Variants in CAMK1D observed in about 807,000 individuals in gnomAD.
The protein encoded by CAMK1D is calcium/calmodulin dependent protein kinase ID.
CAMK1D carries 9 observed loss-of-function variants against 47.7 expected under a neutral mutation model. The ratio of observed to expected loss-of-function variants is 0.19; its 90% CI spans 0.11 to 0.33. CAMK1D has a LOEUF of 0.33. Among genes scored for constraint, CAMK1D ranks in the 10% least tolerant of loss-of-function variants. CAMK1D has a pLI of 1.00. For synonymous variants in CAMK1D, 184 were observed against 184.9 expected, an observed-to-expected ratio of 0.99 and a Z score of 0.04; for missense variants, 291 against 488.7, an observed-to-expected ratio of 0.60 and a Z score of 3.81.
At chr10:12,736,525 C>T (rs191927269) in intron 3 of CAMK1D, among the ~76,000 whole-genome samples, 3 of 152,242 alleles carry the variant, frequency 2.0e-5, no homozygotes, top group Admixed American at 2.0e-4. Flanking sequence ...TTTTCTGGCA[C>T]TTCTTAAATA....
intron 1 of CAMK1D, among the ~76,000 whole-genome samples, chr10:12,447,845 C>T (rs1328656283): frequency 2.0e-5 from 3 of 151,066 alleles, no homozygotes; most frequent in Non-Finnish European, 4.4e-5. Flanking sequence ...ATTTTTTTTA[C>T]TTATTTTTAT....
intron 2 of CAMK1D, among the ~76,000 whole-genome samples, chr10:12,574,695 C>G (rs760748261): frequency 6.6e-6 from 1 of 151,946 alleles, no homozygotes; most frequent in African/African-American, 2.4e-5. Flanking sequence ...AAAGAACTAC[C>G]TGAGACTGGG....
At chr10:12,683,373 A>G (rs994423896) in intron 3 of CAMK1D, among the ~76,000 whole-genome samples, 1 of 152,184 alleles carries the variant, frequency 6.6e-6, no homozygotes, top group Admixed American at 6.5e-5. Flanking sequence ...GGTGTAAGCC[A>G]CTGCACCTGG....
chr10:12,569,197 T>C (rs1274727456), intron 2 of CAMK1D, among the ~76,000 whole-genome samples: 1 of 152,242 alleles, frequency 6.6e-6, no homozygotes, highest in African/African-American at 2.4e-5. Context: ...TGTGGACCTT[T>C]AATTTCCTTT....
intron 1 of CAMK1D, among the ~76,000 whole-genome samples, chr10:12,368,643 T>C (rs963235857): frequency 1.3e-5 from 2 of 151,180 alleles, no homozygotes; most frequent in African/African-American, 4.9e-5. Flanking sequence ...GTAAGGACTG[T>C]AGGCTGAGCA....
chr10:12,553,307 C>T lies in CAMK1D; in HGVS notation c.175C>T (p.Leu59=), dbSNP rs757864847. 1 of 1,614,178 alleles carries T rather than the reference C, an allele frequency of 6.2e-7. No individual in the cohort carries two copies. Among genetic ancestry groups the T allele is most frequent in the South Asian group, 1.1e-5 (1 of 91,086 alleles). ...TGTGAAGTGTATCCCTAAGAAGGCG[C>T]TGAAGGGCAAGGAAAGCAGCATAGA... is the stretch of plus-strand genomic sequence containing the variant. ...FAVKCIPKKA[L]KGKESSIENE... is the part of the protein sequence containing the mutation. The change falls in exon 2 of 11, where the codon CTG becomes TTG. Residue 59 remains leucine (L), a synonymous_variant. Coordinates refer to ENST00000619168, the MANE Select transcript of CAMK1D (RefSeq NM_153498.4).
intron 1 of CAMK1D, among the ~76,000 whole-genome samples, chr10:12,531,696 A>C (rs1835810223): frequency 6.6e-6 from 1 of 152,220 alleles, no homozygotes; most frequent in Non-Finnish European, 1.5e-5. Context: ...CAAAATGCAG[A>C]CTAATTATAA....
intron 2 of CAMK1D, among the ~76,000 whole-genome samples, chr10:12,635,893 C>A (rs1839500509): frequency 6.6e-6 from 1 of 152,116 alleles, no homozygotes; most frequent in African/African-American, 2.4e-5. Context: ...TTGCATATTT[C>A]AGTTATAAGA....
intron 3 of CAMK1D, among the ~76,000 whole-genome samples, chr10:12,696,526 GACTCCATCTCAAAA>G (rs1429579928): frequency 6.6e-6 from 1 of 152,132 alleles, no homozygotes; most frequent in East Asian, 1.9e-4. Context: ...AACAGAGCGA[GACTCCATCTCAAAA>G]ACAAACAAAC....
At chr10:12,796,039 A>G (rs747806287) in intron 6 of CAMK1D, among the ~76,000 whole-genome samples, 13 of 152,206 alleles carry the variant, frequency 8.5e-5, no homozygotes, top group Non-Finnish European at 1.6e-4. Context: ...CTCACAGATC[A>G]ATCTTGATTC....
intron 4 of CAMK1D, 29 bp from the exon 5 acceptor site, chr10:12,769,644 G>A (rs533902194): frequency 1.2e-6 from 2 of 1,612,390 alleles, no homozygotes; most frequent in African/African-American, 2.7e-5. Flanking sequence ...CACGTAGTTT[G>A]TAATGTTTTT....
intron 3 of CAMK1D, among the ~76,000 whole-genome samples, chr10:12,682,002 G>A (rs375243774): frequency 2.6e-5 from 4 of 152,316 alleles, no homozygotes; most frequent in African/African-American, 4.8e-5. Flanking sequence ...GGCAGATCAC[G>A]AGGTCAGGAG....
intron 2 of CAMK1D, among the ~76,000 whole-genome samples, chr10:12,608,216 T>C (rs1246689391): frequency 2.0e-5 from 3 of 152,120 alleles, no homozygotes; most frequent in Admixed American, 1.3e-4. Flanking sequence ...GTCATGAGTT[T>C]GAGACCAGCC....
chr10:12,428,097 C>G (rs1440241923), intron 1 of CAMK1D, among the ~76,000 whole-genome samples: 2 of 152,072 alleles, frequency 1.3e-5, no homozygotes, highest in South Asian at 2.1e-4. Context: ...TATTCACATG[C>G]CATGGTGGTT....
chr10:12,685,347 T>C (rs1272028887), intron 3 of CAMK1D, among the ~76,000 whole-genome samples: 2 of 152,188 alleles, frequency 1.3e-5, no homozygotes. Context: ...TCTGCTGTAC[T>C]AGAACCTTTA....
intron 3 of CAMK1D, among the ~76,000 whole-genome samples, chr10:12,676,946 A>G (rs1031811808): frequency 6.6e-6 from 1 of 152,182 alleles, no homozygotes; most frequent in Non-Finnish European, 1.5e-5. Flanking sequence ...TTTATTTCTT[A>G]TATAATTTTT....
At chr10:12,515,735 C>G (rs951792920) in intron 1 of CAMK1D, among the ~76,000 whole-genome samples, 7 of 151,380 alleles carry the variant, frequency 4.6e-5, no homozygotes, top group South Asian at 2.1e-4. Context: ...TCAGCCTCTC[C>G]AGTAGCTGGG....
In CAMK1D at chr10:12,791,171, C is replaced by T. The variant is rs2482040; in HGVS notation, c.579C>T (p.Leu193=). 823 of 1,614,154 alleles carry T rather than the reference C, an allele frequency of 5.1e-4. No individual in the cohort carries two copies. In the African/African-American group the frequency reaches 5.3e-3, roughly 10 times the overall value. The part of the protein sequence containing the change: ...GTPGYVAPEV[L]AQKPYSKAVD... ...GTCTTTCTGCAGCTCCTGAAGTCCT[C>T]GCCCAGAAACCTTACAGCAAAGCCG... The change falls in exon 6 of 11, where the codon CTC becomes CTT. Residue 193 remains leucine (L), a synonymous_variant. Transcript: ENST00000619168.
At chr10:12,499,894 G>A (rs903118532) in intron 1 of CAMK1D, among the ~76,000 whole-genome samples, 2 of 152,130 alleles carry the variant, frequency 1.3e-5, no homozygotes, top group East Asian at 1.9e-4. Flanking sequence ...AAGAGGAGCC[G>A]TCCACGGATC....
Sources: gnomAD v4.1 joint callset for allele counts (sites outside exome capture counted in the v4.1 genomes callset) on GRCh38, gnomAD v4.1.1 for gene constraint, MANE v1.5 for transcripts, NCBI Gene and HGNC (gene_info 2026-07-23, HGNC 2026-07-21) for gene names.